The following KALRN variants were observed in gnomAD, a reference collection of about 807,000 sequenced individuals.
KALRN encodes the protein kalirin RhoGEF kinase.
Under a neutral mutation model 353.7 loss-of-function variants are expected in KALRN, and 70 were observed. That is an observed-to-expected ratio of 0.20 (90% CI 0.16 to 0.24). The LOEUF (loss-of-function observed/expected upper bound fraction) is 0.24, where lower values mean the gene tolerates loss of function less well. Among genes scored for constraint, KALRN ranks in the 10% least tolerant of loss-of-function variants. The probability of loss-of-function intolerance (pLI) is 1.00; values close to 1 mark genes in which losing one functional copy is unlikely to be tolerated. For missense variants in KALRN, 2,791 were observed against 3,756.7 expected (o/e 0.74, Z 6.72); for synonymous variants, 1,391 against 1,434.8 (o/e 0.97, Z 0.69).
chr3:124,582,232 G>A (rs958099859), intron 34 of KALRN, among the ~76,000 whole-genome samples: 2 of 152,138 alleles, frequency 1.3e-5, no homozygotes, highest in Admixed American at 6.5e-5. Context: ...TGTTGGCCAG[G>A]CTAGTCTTGA....
intron 3 of KALRN, among the ~76,000 whole-genome samples, chr3:124,250,467 A>C (rs1028818574): frequency 4.6e-5 from 7 of 152,206 alleles, no homozygotes; most frequent in African/African-American, 7.2e-5. Context: ...CCATGGCTGC[A>C]CTGTTGCCAT....
At chr3:124,439,123 CT>C in intron 18 of KALRN, 86 bp downstream of exon 18, 1 of 1,332,330 alleles carries the variant, frequency 7.5e-7, no homozygotes, top group Non-Finnish European at 1.0e-6. Context: ...TCTTTTCTTT[CT>C]TTCTCTTTCT....
intron 1 of KALRN, among the ~76,000 whole-genome samples, chr3:124,128,429 A>G (rs1157778912): frequency 6.6e-6 from 1 of 152,182 alleles, no homozygotes; most frequent in Non-Finnish European, 1.5e-5. Flanking sequence ...GAGATAGCAA[A>G]CACAGAAGCC....
chr3:124,497,009 T>A (rs2108568829), intron 33 of KALRN, among the ~76,000 whole-genome samples: 1 of 151,874 alleles, frequency 6.6e-6, no homozygotes, highest in Middle Eastern at 3.4e-3. Context: ...ATACGAAGGG[T>A]GTAGTTGTTG....
At chr3:124,476,915 CA>C (rs1210315565) in intron 26 of KALRN, among the ~76,000 whole-genome samples, 1 of 151,898 alleles carries the variant, frequency 6.6e-6, no homozygotes. Flanking sequence ...GTAGATAATC[CA>C]AAAAAGGGTA....
At chr3:124,229,239 T>C (rs574513397) in intron 2 of KALRN, among the ~76,000 whole-genome samples, 3 of 152,318 alleles carry the variant, frequency 2.0e-5, no homozygotes, top group East Asian at 3.9e-4. Context: ...AAAAGTCCGG[T>C]GACCCCTGAT....
chr3:124,384,786 G>T, intron 10 of KALRN, 59 bp from the exon 11 acceptor site: 2 of 1,492,910 alleles, frequency 1.3e-6, no homozygotes, highest in East Asian at 2.3e-5. Flanking sequence ...GGAGCCCCAG[G>T]GTGGGCTGCT....
chr3:124,682,896 A>T (rs868513899), intron 51 of KALRN, among the ~76,000 whole-genome samples: 5 of 152,170 alleles, frequency 3.3e-5, no homozygotes, highest in Admixed American at 3.3e-4. Flanking sequence ...TCCCAGCAGT[A>T]CATGCCACAC....
At chr3:124,471,372 G>A (rs1034566760) in intron 25 of KALRN, among the ~76,000 whole-genome samples, 3 of 151,196 alleles carry the variant, frequency 2.0e-5, no homozygotes, top group Non-Finnish European at 4.4e-5. Flanking sequence ...GCAACCCTCC[G>A]CCTCCCAGGT....
intron 1 of KALRN, among the ~76,000 whole-genome samples, chr3:124,167,283 C>T (rs74353009): frequency 0.012 from 1,771 of 152,234 alleles, 21 homozygotes; most frequent in African/African-American, 0.04. Context: ...ATGGTGGTGA[C>T]AGTTCTAATT....
intron 3 of KALRN, among the ~76,000 whole-genome samples, chr3:124,260,646 A>T (rs151147088): frequency 2.0e-4 from 31 of 152,058 alleles, no homozygotes; most frequent in African/African-American, 6.8e-4. Context: ...CTAGAAGGGG[A>T]AGAGGGATGT....
chr3:124,533,477 A>C (rs989038354), intron 33 of KALRN, among the ~76,000 whole-genome samples: 4 of 152,044 alleles, frequency 2.6e-5, no homozygotes, highest in Non-Finnish European at 5.9e-5. Flanking sequence ...CCCCATCTCT[A>C]CTAAAAAATA....
intron 1 of KALRN, among the ~76,000 whole-genome samples, chr3:124,034,979 G>C (rs1254472772): frequency 6.6e-6 from 1 of 152,084 alleles, no homozygotes; most frequent in Non-Finnish European, 1.5e-5. Context: ...CTAGGGAAGG[G>C]GGTGGGGTGC....
chr3:124,180,526 C>T (rs1169661375), intron 1 of KALRN, among the ~76,000 whole-genome samples: 2 of 152,144 alleles, frequency 1.3e-5, no homozygotes, highest in Non-Finnish European at 2.9e-5. Flanking sequence ...CAGAGAGACC[C>T]AAGTTGGAAT....
At chr3:124,547,212 C>A (rs1383491780) in intron 33 of KALRN, among the ~76,000 whole-genome samples, 2 of 152,172 alleles carry the variant, frequency 1.3e-5, no homozygotes, top group Non-Finnish European at 2.9e-5. Flanking sequence ...GTTGCCCAGG[C>A]TGGCCTCGAA....
At chr3:124,647,556 A>G (rs993436364) in intron 37 of KALRN, among the ~76,000 whole-genome samples, 11 of 152,044 alleles carry the variant, frequency 7.2e-5, no homozygotes, top group Non-Finnish European at 1.5e-4. Flanking sequence ...TTCCTTCTCC[A>G]TCCCACCATA....
chr3:124,187,649 A>G (rs2074392483), intron 1 of KALRN, among the ~76,000 whole-genome samples: 3 of 152,236 alleles, frequency 2.0e-5, no homozygotes, highest in Admixed American at 6.5e-5. Context: ...AAGTATCTTT[A>G]GCAAGGTGCA....
intron 1 of KALRN, among the ~76,000 whole-genome samples, chr3:124,219,560 C>T (rs1368601061): frequency 6.6e-6 from 1 of 152,166 alleles, no homozygotes; most frequent in African/African-American, 2.4e-5. Context: ...CAGTATTTAG[C>T]AATTGCCAAA....
intron 21 of KALRN, among the ~76,000 whole-genome samples, chr3:124,452,373 G>A (rs911930314): frequency 1.3e-5 from 2 of 152,126 alleles, no homozygotes; most frequent in Non-Finnish European, 2.9e-5. Context: ...AGACACTGGA[G>A]ATATACAAAT....
Sources: allele counts gnomAD v4.1 joint callset (sites outside exome capture counted in the v4.1 genomes callset), GRCh38; gene constraint gnomAD v4.1.1; transcripts MANE v1.5; gene names NCBI Gene and HGNC (gene_info 2026-07-23, HGNC 2026-07-21).